OSBPL6: variants seen among roughly 807,000 people sequenced by gnomAD.
OSBPL6 encodes oxysterol binding protein like 6.
In OSBPL6, 49 loss-of-function variants were observed where a neutral mutation model predicts 125.8. The ratio of observed to expected loss-of-function variants is 0.39; its 90% CI spans 0.31 to 0.49. OSBPL6 has a LOEUF of 0.49. Among genes scored for constraint, OSBPL6 ranks in the 20% least tolerant of loss-of-function variants. OSBPL6 has a pLI of 0.88. For missense variants in OSBPL6, 986 were observed against 1,135.4 expected (o/e 0.87, Z 1.89); for synonymous variants, 394 against 391.8 (o/e 1.01, Z -0.07).
chr2:178,353,594 A>T (rs575347102), intron 12 of OSBPL6, among the ~76,000 whole-genome samples: 1 of 152,390 alleles, frequency 6.6e-6, no homozygotes, highest in African/African-American at 2.4e-5. Context: ...GTATGGGACT[A>T]TGTGAAAAGA....
chr2:178,278,734 C>A (rs1421656257), intron 1 of OSBPL6, among the ~76,000 whole-genome samples: 5 of 152,120 alleles, frequency 3.3e-5, no homozygotes, highest in Non-Finnish European at 5.9e-5. Context: ...GACTTAGATA[C>A]CCTCAGTGAA....
chr2:178,232,942 G>A (rs916309614), intron 1 of OSBPL6, among the ~76,000 whole-genome samples: 4 of 152,104 alleles, frequency 2.6e-5, no homozygotes, highest in African/African-American at 9.7e-5. Flanking sequence ...CAGAACACCT[G>A]ACTCTTTTAA....
At chr2:178,327,488 G>C (rs1329762723) in intron 4 of OSBPL6, among the ~76,000 whole-genome samples, 3 of 152,142 alleles carry the variant, frequency 2.0e-5, no homozygotes, top group Non-Finnish European at 2.9e-5. Context: ...TTTATACATA[G>C]ATGGAGATTA....
chr2:178,341,299 A>G (rs1428751157), intron 11 of OSBPL6, among the ~76,000 whole-genome samples: 1 of 146,802 alleles, frequency 6.8e-6, no homozygotes, highest in Non-Finnish European at 1.5e-5. Context: ...ACCTTGCTGC[A>G]TCTAGGAGCT....
chr2:178,341,012 T>G (rs556663924), intron 11 of OSBPL6, among the ~76,000 whole-genome samples: 36 of 152,330 alleles, frequency 2.4e-4, no homozygotes, highest in Non-Finnish European at 4.6e-4. Context: ...GGGACAGATG[T>G]GCCGAGTGAT....
intron 15 of OSBPL6, among the ~76,000 whole-genome samples, chr2:178,380,259 C>T (rs1347297): frequency 0.25 from 37,822 of 151,326 alleles, 6,152 homozygotes; most frequent in Admixed American, 0.47. Flanking sequence ...GCCTGGGTAA[C>T]GTAGCAAGAC....
chr2:178,337,949 C>CTTTTTTTTTTTTT (rs755944128), intron 9 of OSBPL6, among the ~76,000 whole-genome samples: 5,388 of 138,122 alleles, frequency 0.039, 218 homozygotes, highest in South Asian at 0.12. Flanking sequence ...TCAGTATTCT[C>CTTTTTTTTTTTTT]TTTTTTTTTT....
chr2:178,291,790 C>CATCCATCCATCCA (rs1685297330), intron 2 of OSBPL6, among the ~76,000 whole-genome samples: 5 of 106,956 alleles, frequency 4.7e-5, no homozygotes, highest in African/African-American at 1.7e-4. Context: ...TCCTTCCTGC[C>CATCCATCCATCCA]TGCCATCCAT....
chr2:178,318,823 G>A (rs1687991242), intron 3 of OSBPL6, among the ~76,000 whole-genome samples: 1 of 152,172 alleles, frequency 6.6e-6, no homozygotes, highest in Admixed American at 6.5e-5. Flanking sequence ...CCAGCAAAGT[G>A]TTTGAAAGTC....
chr2:178,227,998 T>G (rs2090634013), intron 1 of OSBPL6, among the ~76,000 whole-genome samples: 1 of 151,788 alleles, frequency 6.6e-6, no homozygotes, highest in South Asian at 2.2e-4. Context: ...TATGTTTAAT[T>G]TAATTATGTG....
rs112300065 is a variant in OSBPL6, at chr2:178,213,299, G to A, written c.-351+18625G>A. 6.4e-3 allele frequency among the ~76,000 whole-genome samples: 977 copies of A among 152,030 alleles called. 9 individuals carry two copies. The highest frequency in any genetic ancestry group is 0.022 in the African/African-American group (898 of 41,460). ...TATCTATCTGGGCCAGGTCCCTTCT[G>A]AATTCCAGAGGCACATTTTCATATG... On this transcript the variant is annotated intron_variant, in intron 1 of 24. Coordinates refer to ENST00000190611, the MANE Select transcript of OSBPL6 (RefSeq NM_032523.4).
chr2:178,386,490 G>T (rs1694942706), intron 19 of OSBPL6, among the ~76,000 whole-genome samples: 1 of 151,950 alleles, frequency 6.6e-6, no homozygotes, highest in Non-Finnish European at 1.5e-5. Context: ...TCTGTATTTG[G>T]AGATTTTTTT....
At chr2:178,325,571 T>C (rs1386939261) in intron 4 of OSBPL6, among the ~76,000 whole-genome samples, 1 of 152,066 alleles carries the variant, frequency 6.6e-6, no homozygotes, top group African/African-American at 2.4e-5. Flanking sequence ...AGCAATTCTC[T>C]CTTATAGTTA....
In OSBPL6 at chr2:178,324,234, C is replaced by T; in HGVS notation, c.160C>T (p.Gln54Ter). The T allele has an allele frequency of 6.3e-7, 1 of 1,580,978 alleles. No individual in the cohort carries two copies. Among genetic ancestry groups the T allele is most frequent in the South Asian group, 1.1e-5 (1 of 86,964 alleles). The change falls in exon 4 of 25, where the codon CAA becomes TAA. Residue 54 changes from glutamine to a stop codon, truncating the protein, a stop_gained. Transcript: ENST00000190611. LOFTEE classifies it high-confidence loss of function. ...SSSTEPSVSR[Q>*]LLEPEPVPLS... ...TAGCACCGAGCCCTCTGTAAGTCGG[C>T]AATTGCTAGAACCGGAGCCAGTCCC...
chr2:178,382,084 G>A (rs1694533030), intron 15 of OSBPL6, among the ~76,000 whole-genome samples: 1 of 152,176 alleles, frequency 6.6e-6, no homozygotes, highest in Admixed American at 6.5e-5. Context: ...TATTAGGTTG[G>A]TGCAAAAGAA....
At chr2:178,253,807 C>G (rs2154006088) in intron 1 of OSBPL6, among the ~76,000 whole-genome samples, 1 of 152,304 alleles carries the variant, frequency 6.6e-6, no homozygotes, top group East Asian at 1.9e-4. Context: ...CCCTCTAAAA[C>G]TCATGTTGAA....
intron 3 of OSBPL6, among the ~76,000 whole-genome samples, chr2:178,317,337 G>T (rs1203285679): frequency 6.7e-6 from 1 of 150,352 alleles, no homozygotes; most frequent in Non-Finnish European, 1.5e-5. Flanking sequence ...CCACTTTGAG[G>T]TGCTGAGGCA....
At position 178,398,780 on chromosome 2, in the gene OSBPL6, C is replaced by T. The variant is rs1695999829; in HGVS notation, c.*3221C>T. 6.6e-6 allele frequency: 1 copy of T among 152,130 alleles called. No individual in the cohort carries two copies. Among genetic ancestry groups the T allele is most frequent in the Non-Finnish European group, 1.5e-5 (1 of 68,028 alleles). 9.4% of individuals were successfully genotyped at this position (152,130 alleles called of 1,614,324 possible). A position where few individuals can be genotyped will look rare whatever the true frequency, so the allele number is the denominator to read the frequency against. Reference sequence around the variant, plus strand: ...TCCTCTAGATTATTCTGGCCCTAGGCCTTTCAGCAACCCCACTAATCAATT... The same window carrying T: ...TCCTCTAGATTATTCTGGCCCTAGGTCTTTCAGCAACCCCACTAATCAATT... On this transcript the variant is annotated 3_prime_UTR_variant, in exon 25 of 25. Coordinates refer to ENST00000190611, the MANE Select transcript of OSBPL6 (RefSeq NM_032523.4).
chr2:178,250,349 T>C (rs1411206096), intron 1 of OSBPL6, among the ~76,000 whole-genome samples: 1 of 152,216 alleles, frequency 6.6e-6, no homozygotes, highest in Non-Finnish European at 1.5e-5. Flanking sequence ...ATAATGTCAC[T>C]GTTCTCTATC....
Sources: allele counts gnomAD v4.1 joint callset (sites outside exome capture counted in the v4.1 genomes callset), GRCh38; gene constraint gnomAD v4.1.1; transcripts MANE v1.5; gene names NCBI Gene and HGNC (gene_info 2026-07-23, HGNC 2026-07-21).